The following ORC5 variants were observed in gnomAD, a reference collection of about 807,000 sequenced individuals.
ORC5 encodes the protein protein phosphatase 1, regulatory subunit 117.
ORC5 carries 39 observed loss-of-function variants against 58.8 expected under a neutral mutation model. The observed-to-expected ratio is 0.66, with a 90% CI of 0.51 to 0.87. ORC5 has a LOEUF of 0.87. Ranked by LOEUF, ORC5 falls within the 40% of genes least tolerant of loss-of-function variation. ORC5 has a pLI of 0.00. For missense variants in ORC5, 493 were observed against 506.3 expected (o/e 0.97, Z 0.25); for synonymous variants, 218 against 177.6 (o/e 1.23, Z -1.81).
intron 12 of ORC5, among the ~76,000 whole-genome samples, chr7:104,158,621 A>G (rs1172647565): frequency 1.3e-5 from 2 of 152,076 alleles, no homozygotes; most frequent in Non-Finnish European, 2.9e-5. Flanking sequence ...AACTCAAACA[A>G]ATTTACAAAA....
intron 12 of ORC5, among the ~76,000 whole-genome samples, chr7:104,159,138 T>G (rs934135746): frequency 2.7e-5 from 4 of 150,906 alleles, no homozygotes; most frequent in Non-Finnish European, 5.9e-5. Flanking sequence ...CATGGAATAC[T>G]ATGCAGCCAT....
chr7:104,130,644 T>C (rs556682156), intron 13 of ORC5, among the ~76,000 whole-genome samples: 7 of 152,336 alleles, frequency 4.6e-5, no homozygotes, highest in Admixed American at 4.6e-4. Context: ...CTTCACTATA[T>C]ATTTCTCTTT....
chr7:104,145,688 T>C (rs1332580969), intron 12 of ORC5, among the ~76,000 whole-genome samples: 1 of 151,840 alleles, frequency 6.6e-6, no homozygotes, highest in Non-Finnish European at 1.5e-5. Context: ...GGAAATAATA[T>C]AAGAGGCGAC....
intron 6 of ORC5, among the ~76,000 whole-genome samples, chr7:104,185,947 A>T (rs978540357): frequency 2.8e-4 from 43 of 152,104 alleles, no homozygotes; most frequent in African/African-American, 1.0e-3. Context: ...ATTTCTTCCT[A>T]TTCTACTTCA....
intron 8 of ORC5, among the ~76,000 whole-genome samples, chr7:104,172,677 T>C (rs1562817440): frequency 6.6e-6 from 1 of 152,190 alleles, no homozygotes; most frequent in African/African-American, 2.4e-5. Context: ...AATTTTCAGA[T>C]ACATTATCTA....
At chr7:104,172,170 A>G (rs1447859882) in intron 8 of ORC5, among the ~76,000 whole-genome samples, 2 of 152,236 alleles carry the variant, frequency 1.3e-5, no homozygotes, top group Non-Finnish European at 2.9e-5. Context: ...CTGTTAATAC[A>G]GCAGGCAAGA....
chr7:104,150,378 C>T (rs1798824514), intron 12 of ORC5, among the ~76,000 whole-genome samples: 1 of 151,974 alleles, frequency 6.6e-6, no homozygotes, highest in Admixed American at 6.6e-5. Context: ...CAACAAGCAC[C>T]ACATTTGATC....
intron 5 of ORC5, among the ~76,000 whole-genome samples, chr7:104,188,691 C>T (rs1799604454): frequency 6.6e-6 from 1 of 152,114 alleles, no homozygotes; most frequent in African/African-American, 2.4e-5. Flanking sequence ...TCAATTTATA[C>T]TAATGAGGTG....
intron 5 of ORC5, among the ~76,000 whole-genome samples, chr7:104,193,939 T>C (rs1337701511): frequency 1.3e-5 from 2 of 151,658 alleles, no homozygotes; most frequent in East Asian, 3.8e-4. Flanking sequence ...TATAGAATTT[T>C]AAAAATTTAA....
intron 12 of ORC5, among the ~76,000 whole-genome samples, chr7:104,153,748 G>A (rs995244155): frequency 1.3e-5 from 2 of 152,018 alleles, no homozygotes; most frequent in Non-Finnish European, 2.9e-5. Context: ...TGTCTATAAA[G>A]ATAATGCCCA....
chr7:104,196,934 C>T (rs1799813716), intron 4 of ORC5, among the ~76,000 whole-genome samples: 1 of 152,082 alleles, frequency 6.6e-6, no homozygotes, highest in Non-Finnish European at 1.5e-5. Flanking sequence ...AGCTATTTCC[C>T]TCACCAATTT....
chr7:104,196,026 C>T (rs745680268), intron 4 of ORC5, among the ~76,000 whole-genome samples: 7 of 152,106 alleles, frequency 4.6e-5, no homozygotes, highest in Non-Finnish European at 7.4e-5. Context: ...AAATGAAATA[C>T]ATTTTTAAAA....
chr7:104,130,269 T>C (rs1449149488), intron 13 of ORC5, among the ~76,000 whole-genome samples: 2 of 152,198 alleles, frequency 1.3e-5, no homozygotes, highest in Non-Finnish European at 2.9e-5. Flanking sequence ...CCAAATTCTA[T>C]GTTCCCTTTC....
chr7:104,165,061 A>G (rs1383769318), intron 11 of ORC5, among the ~76,000 whole-genome samples, 174 bp downstream of exon 11: 1 of 152,182 alleles, frequency 6.6e-6, no homozygotes, highest in Non-Finnish European at 1.5e-5. Context: ...GCTCACCTAA[A>G]TGTGCATTCA....
At chr7:104,177,210 C>T (rs1799340131) in intron 8 of ORC5, among the ~76,000 whole-genome samples, 1 of 152,142 alleles carries the variant, frequency 6.6e-6, no homozygotes, top group African/African-American at 2.4e-5. Flanking sequence ...GTGGCATAAA[C>T]ATTTACAAAT....
At chr7:104,142,819 C>A (rs561325896) in intron 12 of ORC5, among the ~76,000 whole-genome samples, 1 of 152,124 alleles carries the variant, frequency 6.6e-6, no homozygotes, top group African/African-American at 2.4e-5. Flanking sequence ...TTGTTTGACA[C>A]CTTTACTATG....
At chr7:104,201,627 T>TAA (rs59970161) in intron 2 of ORC5, among the ~76,000 whole-genome samples, 1,316 of 131,378 alleles carry the variant, frequency 0.01, 19 homozygotes, top group African/African-American at 0.032. Context: ...CTGTCACTAT[T>TAA]AAAAAAAAAA....
intron 8 of ORC5, among the ~76,000 whole-genome samples, chr7:104,170,102 C>T (rs371222132): frequency 1.3e-5 from 2 of 152,222 alleles, no homozygotes; most frequent in African/African-American, 2.4e-5. Context: ...ATTTGGCTTA[C>T]ACTTCCTTTC....
In ORC5 at chr7:104,126,763, C is replaced by T. The variant is rs914394142; in HGVS notation, c.*85G>A. The stretch of plus-strand genomic sequence containing the variant: ...ACAAATCCAATAGAGCCAAAGAACT[C>T]CTCTCCTTGGCCAGCTAAGTAGCTG... On this transcript the variant is annotated 3_prime_UTR_variant, in exon 14 of 14. Coordinates refer to ENST00000297431, the MANE Select transcript of ORC5 (RefSeq NM_002553.4). The T allele has an allele frequency of 5.3e-6, 5 of 943,994 alleles. No homozygotes were observed. Among genetic ancestry groups the T allele is most frequent in the African/African-American group, 5.1e-5 (3 of 59,080 alleles). The allele number at this position is 943,994 out of a possible 1,614,324, so 58.5% of individuals were successfully genotyped here.
Sources: gnomAD v4.1 joint callset for allele counts (sites outside exome capture counted in the v4.1 genomes callset) on GRCh38, gnomAD v4.1.1 for gene constraint, MANE v1.5 for transcripts, NCBI Gene and HGNC (gene_info 2026-07-23, HGNC 2026-07-21) for gene names.